HNF4G: variants seen among roughly 807,000 people sequenced by gnomAD.
HNF4G encodes hepatocyte nuclear factor 4-gamma.
A neutral mutation model predicts 50.9 loss-of-function variants in HNF4G; 21 were observed. The ratio of observed to expected loss-of-function variants is 0.41; its 90% CI spans 0.29 to 0.59. HNF4G has a LOEUF of 0.59. HNF4G is among the 20% of genes least tolerant of loss of function. HNF4G has a pLI of 0.26. For missense variants in HNF4G, 527 were observed against 559.4 expected, an observed-to-expected ratio of 0.94 and a Z score of 0.58; for synonymous variants, 198 against 185.6, an observed-to-expected ratio of 1.07 and a Z score of -0.54.
intron 2 of HNF4G, among the ~76,000 whole-genome samples, chr8:75,508,681 G>T (rs1382712720): frequency 6.6e-6 from 1 of 152,164 alleles, no homozygotes; most frequent in East Asian, 1.9e-4. Flanking sequence ...GGGAAGAACA[G>T]ATTGTAGTAA....
At chr8:75,456,788 T>G (rs2130594755) in intron 1 of HNF4G, among the ~76,000 whole-genome samples, 1 of 152,186 alleles carries the variant, frequency 6.6e-6, no homozygotes, top group East Asian at 1.9e-4. Flanking sequence ...TTGCCTAGGC[T>G]GGAGTGCAGT....
rs1807469860 is a variant in HNF4G, at chr8:75,566,746, T to C, written c.*2650T>C. On this transcript the variant is annotated 3_prime_UTR_variant, in exon 10 of 10. Coordinates refer to ENST00000396423, the MANE Select transcript of HNF4G (RefSeq NM_004133.5). Reference sequence around the variant, plus strand: ...AAAAATTAGTAGATTTTTTACCATGTTAAATTATAGTGAGATTAAAGTATT... The same window carrying C: ...AAAAATTAGTAGATTTTTTACCATGCTAAATTATAGTGAGATTAAAGTATT... The C allele has an allele frequency of 6.6e-6, 1 of 152,310 alleles. No individual in the cohort carries two copies. The highest frequency in any genetic ancestry group is 6.5e-5 in the Admixed American group (1 of 15,270). 9.4% of individuals were successfully genotyped at this position (152,310 alleles called of 1,614,324 possible).
intron 2 of HNF4G, among the ~76,000 whole-genome samples, chr8:75,515,145 C>G (rs1210771501): frequency 1.3e-5 from 2 of 152,132 alleles, no homozygotes; most frequent in African/African-American, 2.4e-5. Flanking sequence ...GTTAAGCACC[C>G]AGAATTCAGA....
At chr8:75,415,695 G>T (rs1276779663) in intron 1 of HNF4G, among the ~76,000 whole-genome samples, 1 of 152,072 alleles carries the variant, frequency 6.6e-6, no homozygotes. Context: ...GCAGAGACTC[G>T]GGGCCATGTG....
chr8:75,420,263 A>G (rs1231926024), intron 1 of HNF4G, among the ~76,000 whole-genome samples: 5 of 152,218 alleles, frequency 3.3e-5, no homozygotes, highest in African/African-American at 1.2e-4. Flanking sequence ...TACGTGGACA[A>G]CTGCTGTAAG....
At chr8:75,531,788 T>C (rs1280301281) in intron 2 of HNF4G, among the ~76,000 whole-genome samples, 1 of 152,158 alleles carries the variant, frequency 6.6e-6, no homozygotes, top group Non-Finnish European at 1.5e-5. Context: ...ATAGATTATA[T>C]GCAAATACTA....
rs566900123 is a variant in HNF4G, at chr8:75,527,809, G to GT, written c.-23-16001dup. Among the ~76,000 whole-genome samples the GT allele has an allele frequency of 2.5e-3, 379 of 152,270 alleles. 2 individuals are homozygous for GT. Among genetic ancestry groups the GT allele is most frequent in the African/African-American group, 8.9e-3 (370 of 41,564 alleles). On this transcript the variant is annotated intron_variant, in intron 2 of 10. Coordinates refer to the HNF4G transcript ENST00000354370. ...ATTGTGATTGACTCATTTATAAAAT[G>GT]TATCTTTGAGTGAGTCTATATTAGG...
chr8:75,553,338 C>T, intron 5 of HNF4G, 141 bp downstream of exon 5: 1 of 671,956 alleles, frequency 1.5e-6, no homozygotes, highest in South Asian at 2.2e-5. Context: ...GATTGGGTTT[C>T]CTTACCCATT....
chr8:75,463,747 A>G (rs562190520), intron 1 of HNF4G, among the ~76,000 whole-genome samples: 1 of 150,730 alleles, frequency 6.6e-6, no homozygotes, highest in South Asian at 2.1e-4. Flanking sequence ...AACCACCTCC[A>G]ACTATTCTTT....
At chr8:75,423,815 C>CTT (rs548125507) in intron 1 of HNF4G, among the ~76,000 whole-genome samples, 7,754 of 70,994 alleles carry the variant, frequency 0.11, 1,773 homozygotes, top group Non-Finnish European at 0.15. Context: ...AAGTTTCTTT[C>CTT]TTTTTTTTTT....
At chr8:75,513,629 CTATTT>C (rs1805812621) in intron 2 of HNF4G, among the ~76,000 whole-genome samples, 1 of 151,998 alleles carries the variant, frequency 6.6e-6, no homozygotes, top group African/African-American at 2.4e-5. Flanking sequence ...CACATTTTTA[CTATTT>C]TATATCTATT....
At chr8:75,505,720 A>G (rs1813062269) in intron 2 of HNF4G, among the ~76,000 whole-genome samples, 3 of 151,870 alleles carry the variant, frequency 2.0e-5, no homozygotes, top group Non-Finnish European at 4.4e-5. Flanking sequence ...AGTTGCAAAT[A>G]TACATATTCG....
At chr8:75,507,261 CTT>C (rs34235931) in intron 2 of HNF4G, among the ~76,000 whole-genome samples, 59 of 136,752 alleles carry the variant, frequency 4.3e-4, no homozygotes, top group Non-Finnish European at 4.9e-4. Flanking sequence ...TTTTAAAATT[CTT>C]TTTTTTTTTT....
At chr8:75,538,603 C>G (rs774034787), upstream of HNF4G, among the ~76,000 whole-genome samples, 8 of 152,154 alleles carry the variant, frequency 5.3e-5, no homozygotes, top group Non-Finnish European at 1.2e-4. Flanking sequence ...CAAATAAAAA[C>G]CACTTCTGTC....
At chr8:75,484,186 A>C (rs1812445301) in intron 1 of HNF4G, among the ~76,000 whole-genome samples, 2 of 152,202 alleles carry the variant, frequency 1.3e-5, no homozygotes, top group African/African-American at 4.8e-5. Flanking sequence ...GCATTTCTTT[A>C]AATAGAAATT....
intron 9 of HNF4G, among the ~76,000 whole-genome samples, chr8:75,563,524 A>G (rs1019602331): frequency 3.3e-5 from 5 of 151,846 alleles, no homozygotes; most frequent in African/African-American, 4.8e-5. Context: ...TTTTTATGTC[A>G]TCTAATATGT....
chr8:75,430,017 G>GGCAT (rs1810971874), intron 1 of HNF4G, among the ~76,000 whole-genome samples: 1 of 152,028 alleles, frequency 6.6e-6, no homozygotes, highest in Non-Finnish European at 1.5e-5. Flanking sequence ...CAGGCATGGT[G>GGCAT]GCATGCGCCT....
intron 2 of HNF4G, among the ~76,000 whole-genome samples, chr8:75,517,662 T>A (rs755576123): frequency 4.6e-5 from 7 of 152,174 alleles, no homozygotes; most frequent in Non-Finnish European, 7.3e-5. Context: ...CTTGGGCAGC[T>A]CCACCCCTGT....
intron 1 of HNF4G, among the ~76,000 whole-genome samples, chr8:75,481,561 A>G (rs144841885): frequency 2.3e-4 from 35 of 152,230 alleles, no homozygotes; most frequent in African/African-American, 8.2e-4. Flanking sequence ...AGTTTCTGTC[A>G]TTCCTACAGG....
Sources: allele counts gnomAD v4.1 joint callset (sites outside exome capture counted in the v4.1 genomes callset), GRCh38; gene constraint gnomAD v4.1.1; transcripts MANE v1.5; gene names NCBI Gene and HGNC (gene_info 2026-07-23, HGNC 2026-07-21).